Variants in AMBRA1 observed in about 807,000 individuals in gnomAD.
AMBRA1 encodes activating molecule in BECN1-regulated autophagy protein 1.
In AMBRA1, 47 loss-of-function variants were observed where a neutral mutation model predicts 125.4. That is an observed-to-expected ratio of 0.37 (90% confidence interval 0.30 to 0.48). AMBRA1 has a LOEUF of 0.48. Ranked by LOEUF, AMBRA1 falls within the 20% of genes least tolerant of loss-of-function variation. AMBRA1 has a pLI of 0.99. For synonymous variants in AMBRA1, 626 were observed against 655.5 expected (o/e 0.95, Z 0.69); for missense variants, 1,331 against 1,693.4 (o/e 0.79, Z 3.76).
chr11:46,541,163 A>G (rs1316927623), intron 7 of AMBRA1, among the ~76,000 whole-genome samples: 1 of 152,252 alleles, frequency 6.6e-6, no homozygotes, highest in Non-Finnish European at 1.5e-5. Flanking sequence ...AAATCAAGAT[A>G]GATGCGCACA....
chr11:46,568,803 C>CTTTTTTTTTTTTTTTTTTTTTTTTTTT (rs774631588), intron 1 of AMBRA1, among the ~76,000 whole-genome samples: 2 of 96,466 alleles, frequency 2.1e-5, no homozygotes, highest in Admixed American at 1.2e-4. Flanking sequence ...TCAACCCTAC[C>CTTTTTTTTTTTTTTTTTTTTTTTTTTT]TTTTTTTTTT....
chr11:46,439,119 T>A (rs577543935), intron 12 of AMBRA1, among the ~76,000 whole-genome samples: 24 of 151,530 alleles, frequency 1.6e-4, no homozygotes, highest in Non-Finnish European at 1.5e-4. Context: ...AAAAAAAATT[T>A]AAAAATCAGC....
Position 46,494,115 on chromosome 11 carries a change from G to A in AMBRA1, c.2420+9C>T, listed in dbSNP as rs370519442. The A allele has an allele frequency of 1.0e-5, 16 of 1,599,482 alleles. No individual in the cohort carries two copies. Among genetic ancestry groups the A allele is most frequent in the East Asian group, 2.2e-5 (1 of 44,604 alleles). On this transcript the variant is annotated intron_variant, in intron 10 of 17. Transcript: ENST00000683756. ...AGGCTCCCTCTGTTGCTAGCAACTC[G>A]GTTCTTACCTTGGGACAAAGCGTCC...
intron 1 of AMBRA1, among the ~76,000 whole-genome samples, chr11:46,584,831 G>A (rs1469216268): frequency 1.3e-5 from 2 of 152,104 alleles, no homozygotes; most frequent in Non-Finnish European, 2.9e-5. Context: ...CAACACTTTG[G>A]GAGGCTGAGA....
At chr11:46,398,975 T>C (rs1169750970) in intron 17 of AMBRA1, among the ~76,000 whole-genome samples, 1 of 151,698 alleles carries the variant, frequency 6.6e-6, no homozygotes, top group Non-Finnish European at 1.5e-5. Context: ...TGTTTCCCCA[T>C]GTTGGCCAGG....
intron 4 of AMBRA1, chr11:46,546,028 T>A: frequency 1.9e-5 from 5 of 267,970 alleles, no homozygotes; most frequent in South Asian, 7.7e-5. Flanking sequence ...ACACAGTTCC[T>A]ATTTCTTTTT....
chr11:46,405,925 G>T (rs1201397855), intron 17 of AMBRA1, among the ~76,000 whole-genome samples: 1 of 151,664 alleles, frequency 6.6e-6, no homozygotes, highest in Non-Finnish European at 1.5e-5. Flanking sequence ...TAGAGACAAG[G>T]TTTTGCTGTG....
In AMBRA1 at chr11:46,543,325, G is replaced by A. The variant is rs868488160; in HGVS notation, c.692C>T (p.Ser231Leu). ...GAGAGGCGTCCGGCGAACTGGCTGT[G>A]ATTGCAGGAGGGCACGCTGACGGTA... ...SHYRQRALLQ[S>L]QPVRRTPLLH... Residue 231 changes from serine to leucine, a missense_variant, in exon 7 of 18, where the codon TCA (serine) becomes TTA (leucine). Ser to Leu is a moderately radical substitution (Grantham distance 145). This residue lies in a region of AMBRA1 where 689 missense variants were observed against 776.5 expected (regional missense o/e 0.89). Transcript: ENST00000683756. 1.2e-6 allele frequency: 2 copies of A among 1,614,070 alleles called. No individual in the cohort carries two copies. The highest frequency in any genetic ancestry group is 8.5e-7 in the Non-Finnish European group (1 of 1,179,984).
chr11:46,593,463 C>T (rs777041784), intron 1 of AMBRA1, among the ~76,000 whole-genome samples: 2 of 152,002 alleles, frequency 1.3e-5, no homozygotes, highest in Non-Finnish European at 2.9e-5. Context: ...GTCCCCAGTG[C>T]AATTGAGGCA....
At chr11:46,538,244 TAA>T (rs1362718515) in intron 7 of AMBRA1, among the ~76,000 whole-genome samples, 1 of 152,238 alleles carries the variant, frequency 6.6e-6, no homozygotes. Flanking sequence ...CTAGCTCATT[TAA>T]AAGTGATTCC....
intron 11 of AMBRA1, among the ~76,000 whole-genome samples, chr11:46,457,905 CAAA>C (rs398045181): frequency 7.5e-5 from 6 of 79,688 alleles, no homozygotes; most frequent in African/African-American, 1.8e-4. Context: ...GACTCCGTTG[CAAA>C]AAAAAAAAAA....
chr11:46,507,176 C>CAAAAA (rs59385965), intron 9 of AMBRA1, among the ~76,000 whole-genome samples: 9 of 31,500 alleles, frequency 2.9e-4, no homozygotes, highest in African/African-American at 1.1e-3. Flanking sequence ...GACTCCGTCT[C>CAAAAA]AAAAAAAAAA....
At chr11:46,475,799 G>A (rs1949789801) in intron 11 of AMBRA1, among the ~76,000 whole-genome samples, 1 of 152,166 alleles carries the variant, frequency 6.6e-6, no homozygotes, top group Non-Finnish European at 1.5e-5. Flanking sequence ...TTTACTGTAA[G>A]GTCTCAGATT....
intron 1 of AMBRA1, among the ~76,000 whole-genome samples, chr11:46,581,797 C>T (rs866514083): frequency 1.3e-4 from 9 of 69,946 alleles, no homozygotes; most frequent in Admixed American, 3.8e-4. Context: ...AAAACTCCAT[C>T]AAAAAAAAAA....
chr11:46,441,945 TG>T (rs1258346746), intron 12 of AMBRA1, among the ~76,000 whole-genome samples: 1 of 139,510 alleles, frequency 7.2e-6, no homozygotes, highest in Non-Finnish European at 1.5e-5. Context: ...AGGGAAATGG[TG>T]GCTCAGTGCA....
intron 1 of AMBRA1, among the ~76,000 whole-genome samples, chr11:46,585,722 A>T (rs1272272294): frequency 1.1e-4 from 11 of 104,554 alleles, no homozygotes; most frequent in Non-Finnish European, 2.2e-4. Flanking sequence ...ATATATATAT[A>T]TTCCTAGCTT....
intron 1 of AMBRA1, among the ~76,000 whole-genome samples, chr11:46,590,297 G>A (rs1174597082): frequency 2.6e-5 from 4 of 151,640 alleles, no homozygotes; most frequent in African/African-American, 7.3e-5. Context: ...CCAAGATTGC[G>A]CCACTGCCTG....
intron 1 of AMBRA1, among the ~76,000 whole-genome samples, chr11:46,565,699 A>G (rs941906796): frequency 6.6e-6 from 1 of 152,076 alleles, no homozygotes; most frequent in Non-Finnish European, 1.5e-5. Context: ...GAGCCAGATC[A>G]TGTCTCAAAA....
chr11:46,404,195 T>C (rs1052669843), intron 17 of AMBRA1, among the ~76,000 whole-genome samples: 3 of 152,078 alleles, frequency 2.0e-5, no homozygotes, highest in African/African-American at 7.2e-5. Flanking sequence ...TCTCAAAAAA[T>C]AAAAACAAAA....
Sources: gnomAD v4.1 joint callset for allele counts (sites outside exome capture counted in the v4.1 genomes callset) on GRCh38, gnomAD v4.1.1 for gene constraint, gnomAD v4.1.1 regional missense constraint, MANE v1.5 for transcripts, NCBI Gene and HGNC (gene_info 2026-07-23, HGNC 2026-07-21) for gene names.